FGF14: variants seen among roughly 807,000 people sequenced by gnomAD.
The protein encoded by FGF14 is fibroblast growth factor homologous factor 4.
A neutral mutation model predicts 25.5 loss-of-function variants in FGF14; 5 were observed. The observed-to-expected ratio is 0.20, with a 90% CI of 0.10 to 0.41. FGF14 has a LOEUF of 0.41. Ranked by LOEUF, FGF14 falls within the 10% of genes least tolerant of loss-of-function variation. FGF14 has a pLI of 1.00. For synonymous variants in FGF14, 138 were observed against 118.3 expected, an observed-to-expected ratio of 1.17 and a Z score of -1.08; for missense variants, 222 against 320.1, an observed-to-expected ratio of 0.69 and a Z score of 2.34.
intron 1 of FGF14, among the ~76,000 whole-genome samples, chr13:102,242,886 T>C (rs867737664): frequency 1.1e-4 from 16 of 152,264 alleles, no homozygotes; most frequent in Middle Eastern, 6.8e-3. Context: ...ATCAGTTCTC[T>C]ACTCTTGCCC....
At chr13:101,798,019 C>G (rs35877524) in intron 3 of FGF14, among the ~76,000 whole-genome samples, 7 of 152,016 alleles carry the variant, frequency 4.6e-5, no homozygotes, top group Admixed American at 1.3e-4. Flanking sequence ...TAACGTTACT[C>G]GCTGTTCTTC....
chr13:101,919,242 A>G (rs527763346), upstream of FGF14, among the ~76,000 whole-genome samples: 8 of 152,260 alleles, frequency 5.3e-5, no homozygotes, highest in African/African-American at 1.9e-4. Context: ...TGTACATTTC[A>G]GAAGTTCTAG....
At chr13:102,381,850 T>TA (rs1447656219) in intron 1 of FGF14, among the ~76,000 whole-genome samples, 1 of 152,190 alleles carries the variant, frequency 6.6e-6, no homozygotes, top group African/African-American at 2.4e-5. Flanking sequence ...TTAAGAATGG[T>TA]AAAAAGGTAT....
At chr13:101,858,874 C>A (rs1475585895) in intron 3 of FGF14, among the ~76,000 whole-genome samples, 2 of 151,990 alleles carry the variant, frequency 1.3e-5, no homozygotes, top group Non-Finnish European at 2.9e-5. Flanking sequence ...GTGGTGGCAA[C>A]ATTTACTAAA....
At chr13:102,294,141 G>A (rs1336815406) in intron 1 of FGF14, 1 of 152,060 alleles carries the variant, frequency 6.6e-6, no homozygotes, top group Non-Finnish European at 1.5e-5. Flanking sequence ...TAATACAAGA[G>A]GCTTCTCTAG....
chr13:102,039,235 T>C (rs1444629562), intron 1 of FGF14, among the ~76,000 whole-genome samples: 3 of 152,180 alleles, frequency 2.0e-5, no homozygotes, highest in Non-Finnish European at 2.9e-5. Context: ...TATTTTCCCA[T>C]TCATTCTCCT....
chr13:101,847,343 C>G (rs1316378664), intron 3 of FGF14, among the ~76,000 whole-genome samples: 1 of 152,028 alleles, frequency 6.6e-6, no homozygotes, highest in African/African-American at 2.4e-5. Flanking sequence ...CTGAGACTCT[C>G]AATCTGTGTC....
At chr13:102,033,306 T>C (rs1201287222) in intron 1 of FGF14, among the ~76,000 whole-genome samples, 12 of 151,972 alleles carry the variant, frequency 7.9e-5, no homozygotes, top group African/African-American at 2.9e-4. Context: ...TAAAATAAAA[T>C]AACAAATAAA....
chr13:102,002,815 T>C (rs2039569845), intron 1 of FGF14: 1 of 152,212 alleles, frequency 6.6e-6, no homozygotes, highest in Non-Finnish European at 1.5e-5. Context: ...TACTGCTGAA[T>C]GCTATTGCTG....
intron 3 of FGF14, among the ~76,000 whole-genome samples, chr13:101,755,490 C>T (rs145607519): frequency 0.012 from 1,761 of 151,930 alleles, 120 homozygotes; most frequent in Admixed American, 0.1. Flanking sequence ...AGTAATACCC[C>T]GTCTCTTCCA....
chr13:102,072,069 G>T (rs553582870), intron 1 of FGF14, among the ~76,000 whole-genome samples: 1 of 152,204 alleles, frequency 6.6e-6, no homozygotes, highest in Non-Finnish European at 1.5e-5. Context: ...AGAGCTCACT[G>T]CTGTGATAAA....
At chr13:102,334,867 G>C (rs1336018204) in intron 1 of FGF14, among the ~76,000 whole-genome samples, 1 of 152,062 alleles carries the variant, frequency 6.6e-6, no homozygotes, top group Admixed American at 6.6e-5. Flanking sequence ...CTGGGATCTA[G>C]GACCATTTCA....
intron 3 of FGF14, among the ~76,000 whole-genome samples, chr13:101,738,940 T>G (rs2036357541): frequency 1.2e-5 from 1 of 85,764 alleles, no homozygotes; most frequent in African/African-American, 3.1e-5. Flanking sequence ...TATGTATATA[T>G]TGTATGTGTG....
intron 1 of FGF14, among the ~76,000 whole-genome samples, chr13:102,242,596 T>C (rs560365548): frequency 2.0e-5 from 3 of 152,226 alleles, no homozygotes; most frequent in South Asian, 2.1e-4. Context: ...GATAACAGCA[T>C]TGATCCATTC....
Position 101,715,416 on chromosome 13 carries a change from A to T in FGF14, c.*7415T>A, listed in dbSNP as rs2034672791. The stretch of plus-strand genomic sequence containing the variant: ...AGATGTCTCGCAGCTGCTTAATAAG[A>T]TGTAATAATAACATCATTGCACAAT... On this transcript the variant is annotated 3_prime_UTR_variant, in exon 5 of 5. Coordinates refer to ENST00000376143, the MANE Select transcript of FGF14 (RefSeq NM_004115.4). 1.2e-5 allele frequency: 8 copies of T among 667,520 alleles called. No individual in the cohort carries two copies. In the South Asian group the frequency reaches 1.5e-4, roughly 12 times the overall value. The allele number at this position is 667,520 out of a possible 1,614,324, so 41.3% of individuals were successfully genotyped here. A position where few individuals can be genotyped will look rare whatever the true frequency, so the allele number is the denominator to read the frequency against.
At chr13:102,302,718 C>T (rs115458329) in intron 1 of FGF14, among the ~76,000 whole-genome samples, 2,352 of 152,220 alleles carry the variant, frequency 0.015, 60 homozygotes, top group African/African-American at 0.054. Context: ...CAAAATAACT[C>T]GAATGATCTT....
rs755834201 is a variant in FGF14, at chr13:101,712,015, T to C, written c.*10816A>G. 6.6e-6 allele frequency: 1 copy of C among 152,214 alleles called. No homozygotes were observed. The highest frequency in any genetic ancestry group is 1.5e-5 in the Non-Finnish European group (1 of 68,070). 9.4% of individuals were successfully genotyped at this position (152,214 alleles called of 1,614,324 possible). On this transcript the variant is annotated 3_prime_UTR_variant, in exon 5 of 5. Coordinates refer to ENST00000376143, the MANE Select transcript of FGF14 (RefSeq NM_004115.4). ...CCTACATCTGTCTGATGGAACCCTC[T>C]CCCTGTGTGCTTCCCATTTAAGAGA...
intron 1 of FGF14, among the ~76,000 whole-genome samples, chr13:101,937,243 T>A (rs1052423495): frequency 1.3e-5 from 2 of 152,204 alleles, no homozygotes; most frequent in South Asian, 2.1e-4. Context: ...GGTACTGACA[T>A]GGAAGCTAAT....
At chr13:101,991,062 C>T (rs573124707) in intron 1 of FGF14, among the ~76,000 whole-genome samples, 2 of 152,056 alleles carry the variant, frequency 1.3e-5, no homozygotes, top group Non-Finnish European at 2.9e-5. Flanking sequence ...TTTAACCCTG[C>T]AGTTGAAAAA....
Sources: allele counts gnomAD v4.1 joint callset (sites outside exome capture counted in the v4.1 genomes callset), GRCh38; gene constraint gnomAD v4.1.1; transcripts MANE v1.5; gene names NCBI Gene and HGNC (gene_info 2026-07-23, HGNC 2026-07-21).